The following PSD variants were observed in gnomAD, a reference collection of about 807,000 sequenced individuals.
PSD encodes the protein pleckstrin and Sec7 domain containing.
In PSD, 32 loss-of-function variants were observed where a neutral mutation model predicts 91.6. That is an observed-to-expected ratio of 0.35 (90% CI 0.26 to 0.47). PSD has a LOEUF of 0.47. Among genes scored for constraint, PSD ranks in the 20% least tolerant of loss-of-function variants. The pLI is 1.00. For synonymous variants in PSD, 532 were observed against 569.3 expected, an observed-to-expected ratio of 0.93 and a Z score of 0.93; for missense variants, 1,099 against 1,373.9, an observed-to-expected ratio of 0.80 and a Z score of 3.16.
chr10:102,406,306 C>G (rs1317850205), intron 11 of PSD, among the ~76,000 whole-genome samples: 1 of 152,208 alleles, frequency 6.6e-6, no homozygotes, highest in African/African-American at 2.4e-5. Flanking sequence ...CCCCTGAGAT[C>G]TCCAATGACT....
chr10:102,415,993 C>T, intron 3 of PSD, 24 bp downstream of exon 3: 1 of 1,588,704 alleles, frequency 6.3e-7, no homozygotes. Context: ...GCCCTGTTCT[C>T]CCTGCCTCAG....
rs765580980 is a variant in PSD at position 102,414,121 on chromosome 10, A to G, written c.1201T>C (p.Ser401Pro). The G allele has an allele frequency of 6.2e-6, 10 of 1,614,046 alleles. No homozygotes were observed. The highest frequency in any genetic ancestry group is 7.6e-6 in the Non-Finnish European group (9 of 1,179,966). The change falls in exon 5 of 17, where the codon TCT becomes CCT. Residue 401 changes from serine (S) to proline (P), a missense_variant. Physicochemically the swap from Ser to Pro is moderately conservative, Grantham distance 74. Transcript: ENST00000020673. This position sits in a 1 kb window ranked among gnomAD's most constrained non-coding sequence, Gnocchi z 5.6. ...ATGGCTTCGAACACACAACTGAAAGAGTCAGGCCCATCAGCCGAGGGGCTC... is the reference window on the plus strand; with the variant it reads ...ATGGCTTCGAACACACAACTGAAAGGGTCAGGCCCATCAGCCGAGGGGCTC... ...GTSPSADGPDSFSCVFEAILE... is the reference protein window; with the variant it reads ...GTSPSADGPDPFSCVFEAILE...
Position 102,405,487 on chromosome 10 carries a change from G to T in PSD, c.2185C>A (p.Pro729Thr), listed in dbSNP as rs747897571. ...CCGCTGATCCGCTTGATGACCTTGG[G>T]GTTGGGGTCGGCCAACTCAGACAGA... Reference protein sequence around the residue: ...RSLSELADPNPKVIKRISGGS... With the variant: ...RSLSELADPNTKVIKRISGGS... Residue 729 changes from proline to threonine, a missense_variant, in exon 12 of 17, where the codon CCC becomes ACC. Pro to Thr is a conservative substitution (Grantham distance 38, BLOSUM62 -1). Transcript: ENST00000020673. The surrounding 1 kb of genome is among the most constrained non-coding windows in gnomAD (Gnocchi z 5.4). The T allele has an allele frequency of 6.2e-7, 1 of 1,613,970 alleles. No individual in the cohort carries two copies. Among genetic ancestry groups the T allele is most frequent in the Non-Finnish European group, 8.5e-7 (1 of 1,179,980 alleles).
At chr10:102,406,734 T>C (rs2061366506) in intron 11 of PSD, among the ~76,000 whole-genome samples, 1 of 152,242 alleles carries the variant, frequency 6.6e-6, no homozygotes, top group Non-Finnish European at 1.5e-5. Context: ...CTTGATCTCC[T>C]GACCTCGTGA....
chr10:102,409,292 GCGGGAGGGGGGCGCCGA>G lies in PSD; in HGVS notation c.2091+1549_2091+1565del. On this transcript the variant is annotated intron_variant, in intron 10 of 16. Transcript: ENST00000020673. This position sits in a 1 kb window ranked among gnomAD's most constrained non-coding sequence, Gnocchi z 5.7. ...CTGTCTGCTCTGCGGCTTGGCTAGA[GCGGGAGGGGGGCGCCGA>G]CGGGAAAGGGAGGGCGAGGGCTGGG... is the stretch of plus-strand genomic sequence containing the variant. 1.0e-6 allele frequency: 1 copy of G among 985,644 alleles called. No homozygotes were observed. Among genetic ancestry groups the G allele is most frequent in the Non-Finnish European group, 1.2e-6 (1 of 829,738 alleles). The allele number at this position is 985,644 out of a possible 1,614,324, so 61.1% of individuals were successfully genotyped here. A position where few individuals can be genotyped will look rare whatever the true frequency, so the allele number is the denominator to read the frequency against.
rs200194804 is a variant in PSD at position 102,414,138 on chromosome 10, G to C, written c.1184C>G (p.Ser395Trp). 5.6e-6 allele frequency: 9 copies of C among 1,614,024 alleles called. No homozygotes were observed. The highest frequency in any genetic ancestry group is 6.8e-6 in the Non-Finnish European group (8 of 1,179,950). The stretch of plus-strand genomic sequence containing the variant: ...ACTGAAAGAGTCAGGCCCATCAGCC[G>C]AGGGGCTCGTCCCAGGTAGAAAGGG... The part of the protein sequence containing the change: ...PVPFLPGTSP[S>W]ADGPDSFSCV... Residue 395 changes from serine to tryptophan, a missense_variant, in exon 5 of 17, where the codon TCG becomes TGG. Around this residue, in one of 3 missense-constraint regions of PSD, gnomAD observed 631 missense variants for 728.8 expected, o/e 0.87. Transcript: ENST00000020673. The surrounding 1 kb of genome is among the most constrained non-coding windows in gnomAD (Gnocchi z 5.6).
chr10:102,403,536 C>A lies in PSD; in HGVS notation c.2845-106G>T, dbSNP rs992408231. On this transcript the variant is annotated intron_variant, in intron 16 of 16. Coordinates refer to ENST00000020673, the MANE Select transcript of PSD (RefSeq NM_002779.5). This position sits in a 1 kb window ranked among gnomAD's most constrained non-coding sequence, Gnocchi z 6.7. ...AGCAGGGCAGAAGATGGCAGGTGCC[C>A]ACCCAGGACTGTGAGATGGTCCCAT... 21 of 1,119,800 alleles carry A rather than the reference C, an allele frequency of 1.9e-5. No individual in the cohort carries two copies. Among genetic ancestry groups the A allele is most frequent in the Non-Finnish European group, 2.6e-5 (21 of 797,882 alleles). The allele number at this position is 1,119,800 out of a possible 1,614,324, so 69.4% of individuals were successfully genotyped here. A position where few individuals can be genotyped will look rare whatever the true frequency, so the allele number is the denominator to read the frequency against.
At position 102,403,893 on chromosome 10, in the gene PSD, C is replaced by G. The variant is rs772716736; in HGVS notation, c.2793G>C (p.Arg931=). ...GCCGCTGCTCTTCAGCCTCCTTGCC[C>G]CGGCCCTTCTTGCCCAGCTGGGCGG... ...HRAAQLGKKG[R]GKEAEEQRQK... is the part of the protein sequence containing the mutation. Residue 931 remains arginine, a synonymous_variant, in exon 16 of 17, where the codon CGG becomes CGC. Transcript: ENST00000020673. The surrounding 1 kb of genome is among the most constrained non-coding windows in gnomAD (Gnocchi z 6.7). 9 of 1,606,812 alleles carry G rather than the reference C, an allele frequency of 5.6e-6. No homozygotes were observed. The South Asian group carries it at 8.9e-5, about 16-fold the overall frequency.
In PSD at chr10:102,415,202, G is replaced by C. The variant is rs571611854; in HGVS notation, c.785C>G (p.Pro262Arg). The change falls in exon 4 of 17, where the codon CCA becomes CGA. Residue 262 changes from proline to arginine, a missense_variant. Coordinates refer to ENST00000020673, the MANE Select transcript of PSD (RefSeq NM_002779.5). ...CCTTGAGCCCACCCCAGGTGGAGAT[G>C]GGGGGGCCTGCTCTGGGGGCTTAGC... is the stretch of plus-strand genomic sequence containing the variant. ...SGAKPPEQAP[P>R]SPPGVGSRQG... The C allele has an allele frequency of 1.2e-6, 2 of 1,610,892 alleles. No individual in the cohort carries two copies. Among genetic ancestry groups the C allele is most frequent in the Non-Finnish European group, 1.7e-6 (2 of 1,178,536 alleles).
intron 11 of PSD, among the ~76,000 whole-genome samples, chr10:102,406,317 G>A (rs2061360435): frequency 6.6e-6 from 1 of 152,076 alleles, no homozygotes; most frequent in South Asian, 2.1e-4. Context: ...TCCAATGACT[G>A]GGAACTCCCA....
intron 5 of PSD, 104 bp from the exon 6 acceptor site, chr10:102,412,679 G>A: frequency 1.0e-6 from 1 of 974,770 alleles, no homozygotes; most frequent in Non-Finnish European, 1.5e-6. Flanking sequence ...GGAGGGAGTG[G>A]AGGGACATGG....
In PSD at chr10:102,404,906, G is replaced by A. The variant is rs770860803; in HGVS notation, c.2547C>T (p.Phe849=). 1.1e-5 allele frequency: 18 copies of A among 1,612,968 alleles called. No individual in the cohort carries two copies. The South Asian group carries it at 1.9e-4, about 17-fold the overall frequency. The change falls in exon 14 of 17, where the codon TTC becomes TTT. Residue 849 remains phenylalanine, a synonymous_variant. Coordinates refer to ENST00000020673, the MANE Select transcript of PSD (RefSeq NM_002779.5). The surrounding 1 kb of genome is among the most constrained non-coding windows in gnomAD (Gnocchi z 5.7). ...AGGAGGAGGGCACTCACGGGGCCTG[G>A]AAGAGGAAGACCCGCCAGTCAGCTG... The part of the protein sequence containing the change: ...LRTADWRVFL[F]QAPSLEQMQS...
In PSD at chr10:102,410,657, TGCGCATGTTCCGGGA is replaced by T. The variant is rs2061415975; in HGVS notation, c.2091+186_2091+200del. ...GTGCGCAGTCGCGACCGCACGCATG[TGCGCATGTTCCGGGA>T]GAGCCTGCGCGTGGGGCCTGGGGAG... On this transcript the variant is annotated intron_variant, in intron 10 of 16. Coordinates refer to ENST00000020673, the MANE Select transcript of PSD (RefSeq NM_002779.5). The surrounding 1 kb of genome is among the most constrained non-coding windows in gnomAD (Gnocchi z 6.0). Among the ~76,000 whole-genome samples the T allele has an allele frequency of 6.6e-6, 1 of 152,218 alleles. No individual in the cohort carries two copies. The highest frequency in any genetic ancestry group is 2.1e-4 in the South Asian group (1 of 4,838).
At chr10:102,415,392 T>G (rs961616317) in intron 3 of PSD, among the ~76,000 whole-genome samples, 163 bp from the exon 4 acceptor site, 1 of 152,244 alleles carries the variant, frequency 6.6e-6, no homozygotes, top group African/African-American at 2.4e-5. Flanking sequence ...CTGGTGCCAG[T>G]GGAGCTCATT....
Position 102,404,675 on chromosome 10 carries a change from T to C in PSD, c.2608A>G (p.Met870Val). ...WITRINVVAAMFSAPPFPAAV... is the reference protein window; with the variant it reads ...WITRINVVAAVFSAPPFPAAV... ...GCTGGGAAGGGGGGCGCAGAGAACA[T>C]AGCGGCTACTACATTGATGCGAGTG... The change falls in exon 15 of 17, where the codon ATG (methionine) becomes GTG (valine). Residue 870 changes from methionine to valine, a missense_variant. Transcript: ENST00000020673. The surrounding 1 kb of genome is among the most constrained non-coding windows in gnomAD (Gnocchi z 5.7). 6.2e-7 allele frequency: 1 copy of C among 1,608,838 alleles called. No homozygotes were observed.
At chr10:102,412,045 C>G in intron 7 of PSD, 102 bp downstream of exon 7, 1 of 1,299,284 alleles carries the variant, frequency 7.7e-7, no homozygotes, top group Non-Finnish European at 1.1e-6. Context: ...AGGGTGATGT[C>G]AGGACGGCTT....
Position 102,404,695 on chromosome 10 carries a change from C to T in PSD, c.2588G>A (p.Arg863His), listed in dbSNP as rs368237669. 7.5e-6 allele frequency: 12 copies of T among 1,599,128 alleles called. No individual in the cohort carries two copies. The highest frequency in any genetic ancestry group is 1.7e-4 in the Middle Eastern group (1 of 6,016). ...GAACATAGCGGCTACTACATTGATG[C>T]GAGTGATCCAGGACTGCATCTGCTC... ...SLEQMQSWIT[R>H]INVVAAMFSA... Residue 863 changes from arginine (R) to histidine (H), a missense_variant, in exon 15 of 17, where the codon CGC becomes CAC. Physicochemically the swap from Arg to His is conservative, Grantham distance 29. Coordinates refer to ENST00000020673, the MANE Select transcript of PSD (RefSeq NM_002779.5). The surrounding 1 kb of genome is among the most constrained non-coding windows in gnomAD (Gnocchi z 5.7).
chr10:102,406,925 G>A (rs1172509241), intron 11 of PSD, among the ~76,000 whole-genome samples: 2 of 152,172 alleles, frequency 1.3e-5, no homozygotes, highest in Non-Finnish European at 2.9e-5. Context: ...TCAAGGCCCT[G>A]CTTCCAGAGG....
chr10:102,418,504 C>T (rs1426523858), intron 1 of PSD, among the ~76,000 whole-genome samples, 197 bp downstream of exon 1: 1 of 152,128 alleles, frequency 6.6e-6, no homozygotes, highest in Admixed American at 6.5e-5. Context: ...CCATATTCCT[C>T]TCCTCTCCCT....
Sources: allele counts gnomAD v4.1 joint callset (sites outside exome capture counted in the v4.1 genomes callset), GRCh38; gene constraint gnomAD v4.1.1; regional missense constraint gnomAD v4.1.1; non-coding constraint Gnocchi (gnomAD v3.1); transcripts MANE v1.5; gene names NCBI Gene and HGNC (gene_info 2026-07-23, HGNC 2026-07-21).